Variants in ZNF704 observed in about 807,000 individuals in gnomAD.
The protein encoded by ZNF704 is glucocorticoid induced gene 1.
Under a neutral mutation model 44.7 loss-of-function variants are expected in ZNF704, and 10 were observed. That is an observed-to-expected ratio of 0.22 (90% CI 0.14 to 0.38). ZNF704 has a LOEUF of 0.38. ZNF704 is among the 10% of genes least tolerant of loss of function. The probability of loss-of-function intolerance (pLI) is 1.00; values close to 1 mark genes in which losing one functional copy is unlikely to be tolerated. For synonymous variants in ZNF704, 211 were observed against 207.6 expected (o/e 1.02, Z -0.14); for missense variants, 390 against 545.5 (o/e 0.71, Z 2.84).
Position 80,631,235 on chromosome 8 carries a change from A to G in ZNF704, c.*10131T>C, listed in dbSNP as rs913467463. ...GGGAAAGTATGGGTAGTTTATCATG[A>G]AACTCCGCTGTATATCCCTGAGGGG... On this transcript the variant is annotated 3_prime_UTR_variant, in exon 9 of 9. Coordinates refer to ENST00000327835, the MANE Select transcript of ZNF704 (RefSeq NM_001033723.3). The G allele has an allele frequency of 3.3e-5, 5 of 152,054 alleles. No homozygotes were observed. The highest frequency in any genetic ancestry group is 9.7e-5 in the African/African-American group (4 of 41,378). The allele number at this position is 152,054 out of a possible 1,614,324, so 9.4% of individuals were successfully genotyped here. A position where few individuals can be genotyped will look rare whatever the true frequency, so the allele number is the denominator to read the frequency against.
intron 2 of ZNF704, among the ~76,000 whole-genome samples, chr8:80,745,105 C>A (rs1422730329): frequency 6.6e-6 from 1 of 152,132 alleles, no homozygotes; most frequent in African/African-American, 2.4e-5. Context: ...TTCTTCTATT[C>A]CTACAACCTC....
intron 4 of ZNF704, 32 bp downstream of exon 4, chr8:80,687,192 CTG>C (rs1156736216): frequency 1.3e-6 from 2 of 1,583,432 alleles, no homozygotes; most frequent in Non-Finnish European, 1.7e-6. Flanking sequence ...CTTCAGGAAA[CTG>C]AATGCAGAAG....
rs1563585546 is a variant in ZNF704 at position 80,874,034 on chromosome 8, C to T, written c.-22+537G>A. 6.8e-6 allele frequency among the ~76,000 whole-genome samples: 1 copy of T among 146,816 alleles called. No individual in the cohort carries two copies. Among genetic ancestry groups the T allele is most frequent in the African/African-American group, 2.4e-5 (1 of 40,892 alleles). On this transcript the variant is annotated intron_variant, in intron 1 of 8. Transcript: ENST00000327835. This position sits in a 1 kb window ranked among gnomAD's most constrained non-coding sequence, Gnocchi z 4.4. ...CAGGCTGGAGCGCTTGGCTAGACGC[C>T]GCGCCTGCATGCCTGAGCGCGGGGT...
intron 2 of ZNF704, among the ~76,000 whole-genome samples, chr8:80,703,636 G>C (rs113844679): frequency 0.039 from 5,882 of 152,002 alleles, 370 homozygotes; most frequent in African/African-American, 0.13. Context: ...CACCATGCCC[G>C]GCTAATTTTT....
chr8:80,660,251 C>T (rs1306998195), intron 6 of ZNF704, among the ~76,000 whole-genome samples: 3 of 151,972 alleles, frequency 2.0e-5, no homozygotes, highest in Non-Finnish European at 2.9e-5. Context: ...GCAGGAGGAT[C>T]GCTTGAGCCC....
At chr8:80,800,665 T>G (rs1264260913) in intron 2 of ZNF704, among the ~76,000 whole-genome samples, 1 of 152,102 alleles carries the variant, frequency 6.6e-6, no homozygotes, top group Non-Finnish European at 1.5e-5. Flanking sequence ...AGGGAAGCAC[T>G]AAATATGAAG....
intron 2 of ZNF704, among the ~76,000 whole-genome samples, chr8:80,746,330 T>C (rs1396324132): frequency 6.6e-6 from 1 of 152,162 alleles, no homozygotes; most frequent in Non-Finnish European, 1.5e-5. Context: ...TTGGATGTAA[T>C]ATAAAAAAGT....
chr8:80,868,758 C>G (rs1166005004), intron 1 of ZNF704, among the ~76,000 whole-genome samples: 1 of 152,070 alleles, frequency 6.6e-6, no homozygotes, highest in Non-Finnish European at 1.5e-5. Context: ...ATTTTTTTGG[C>G]TTACCCTTTG....
intron 7 of ZNF704, among the ~76,000 whole-genome samples, chr8:80,651,177 G>A (rs577925872): frequency 2.0e-4 from 31 of 152,308 alleles, no homozygotes; most frequent in Non-Finnish European, 3.1e-4. Context: ...TGCTAAACAT[G>A]GAAAGGAACA....
At chr8:80,698,661 G>A (rs1397744001) in intron 2 of ZNF704, among the ~76,000 whole-genome samples, 1 of 152,200 alleles carries the variant, frequency 6.6e-6, no homozygotes, top group Non-Finnish European at 1.5e-5. Context: ...TCTTTTATCT[G>A]AGGAATTGAT....
chr8:80,658,875 T>C (rs1393944146), intron 7 of ZNF704: 1 of 152,200 alleles, frequency 6.6e-6, no homozygotes, highest in Non-Finnish European at 1.5e-5. Flanking sequence ...TAATATCTGT[T>C]ATCATAAGCC....
chr8:80,821,956 T>A (rs1297707630), intron 1 of ZNF704, among the ~76,000 whole-genome samples: 1 of 152,140 alleles, frequency 6.6e-6, no homozygotes, highest in Non-Finnish European at 1.5e-5. Context: ...TCAAGTAAAC[T>A]CTTCAATATT....
intron 1 of ZNF704, among the ~76,000 whole-genome samples, chr8:80,861,964 T>C (rs888435090): frequency 6.6e-5 from 10 of 150,674 alleles, no homozygotes; most frequent in African/African-American, 2.4e-4. Context: ...AATAGCCATG[T>C]GGTTGAACAA....
intron 2 of ZNF704, among the ~76,000 whole-genome samples, chr8:80,705,149 G>A (rs532533881): frequency 2.0e-5 from 3 of 152,180 alleles, no homozygotes; most frequent in Admixed American, 6.5e-5. Flanking sequence ...TGCAGTGGGA[G>A]AGCCTGAGCG....
Position 80,698,573 on chromosome 8 carries a change from G to A in ZNF704, c.222-5466C>T, listed in dbSNP as rs1332401363. 1.3e-4 allele frequency among the ~76,000 whole-genome samples: 20 copies of A among 152,182 alleles called. 1 individual carries two copies. Among genetic ancestry groups the A allele is most frequent in the Non-Finnish European group, 1.9e-4 (13 of 68,032 alleles). ...GGGAGAGGTTGGGTAAGGTTGGGGT[G>A]ATGCTATCAGATTAGCTTTTCAAAA... On this transcript the variant is annotated intron_variant, in intron 2 of 8. Transcript: ENST00000327835.
At chr8:80,709,412 C>T (rs1818947440) in intron 2 of ZNF704, among the ~76,000 whole-genome samples, 1 of 139,250 alleles carries the variant, frequency 7.2e-6, no homozygotes, top group Non-Finnish European at 1.5e-5. Context: ...CCACTGCACT[C>T]CACCTTGGCA....
At chr8:80,806,810 G>C (rs1460029963) in intron 2 of ZNF704, among the ~76,000 whole-genome samples, 1 of 152,172 alleles carries the variant, frequency 6.6e-6, no homozygotes, top group East Asian at 1.9e-4. Flanking sequence ...ACACCAAACA[G>C]AGCAGCATCC....
At chr8:80,732,171 A>G (rs1806592425) in intron 2 of ZNF704, among the ~76,000 whole-genome samples, 1 of 152,096 alleles carries the variant, frequency 6.6e-6, no homozygotes, top group African/African-American at 2.4e-5. Context: ...TTCCACCTTC[A>G]TCTCTCTGTG....
chr8:80,687,495 T>G, intron 3 of ZNF704, 37 bp from the exon 4 acceptor site: 1 of 1,436,176 alleles, frequency 7.0e-7, no homozygotes, highest in Non-Finnish European at 9.3e-7. Flanking sequence ...CCAGGACCCC[T>G]GCGTGCCCGG....
Sources: gnomAD v4.1 joint callset for allele counts (sites outside exome capture counted in the v4.1 genomes callset) on GRCh38, gnomAD v4.1.1 for gene constraint, Gnocchi (gnomAD v3.1) non-coding constraint, MANE v1.5 for transcripts, NCBI Gene and HGNC (gene_info 2026-07-23, HGNC 2026-07-21) for gene names.